CERKL: variants seen among roughly 807,000 people sequenced by gnomAD.
CERKL encodes the protein ceramide kinase-like protein.
CERKL carries 61 observed loss-of-function variants against 63.4 expected under a neutral mutation model. The ratio of observed to expected loss-of-function variants is 0.96; its 90% CI spans 0.78 to 1.19. The LOEUF is 1.19. Ranked by LOEUF, CERKL falls within the 50% of genes most tolerant of loss-of-function variation. The pLI, the probability that CERKL is intolerant of heterozygous loss-of-function variation, is 0.00. For synonymous variants in CERKL, 250 were observed against 230.5 expected (o/e 1.08, Z -0.77); for missense variants, 675 against 655.5 (o/e 1.03, Z -0.33).
intron 3 of CERKL, among the ~76,000 whole-genome samples, chr2:181,570,186 T>C (rs1688844524): frequency 6.6e-6 from 1 of 152,174 alleles, no homozygotes; most frequent in Non-Finnish European, 1.5e-5. Flanking sequence ...ACAGTAACTC[T>C]GAACATTCAT....
chr2:181,630,130 G>A (rs1254098553), intron 1 of CERKL, among the ~76,000 whole-genome samples: 1 of 151,962 alleles, frequency 6.6e-6, no homozygotes, highest in African/African-American at 2.4e-5. Flanking sequence ...CTCCTGGGCT[G>A]TAGCAATCCT....
At chr2:181,628,944 C>T (rs1374768382) in intron 1 of CERKL, among the ~76,000 whole-genome samples, 3 of 152,128 alleles carry the variant, frequency 2.0e-5, no homozygotes, top group Non-Finnish European at 4.4e-5. Context: ...AAGATAAGAA[C>T]ACGCTTCTAT....
rs1314313709 is a variant in CERKL, at chr2:181,550,747, A to T, written c.821-1039T>A. On this transcript the variant is annotated intron_variant, in intron 5 of 12. Transcript: ENST00000410087. This position sits in a 1 kb window ranked among gnomAD's most constrained non-coding sequence, Gnocchi z 4.5. The stretch of plus-strand genomic sequence containing the variant: ...GTTGCTAAATTGGAGAAGCTGAGGC[A>T]GCTTAGCCATTATCAACCAAGAGGT... Among the ~76,000 whole-genome samples, 2 of 152,210 alleles carry T rather than the reference A, an allele frequency of 1.3e-5. No homozygotes were observed. Among genetic ancestry groups the T allele is most frequent in the African/African-American group, 4.8e-5 (2 of 41,468 alleles).
At chr2:181,642,625 G>A (rs1400872409) in intron 1 of CERKL, among the ~76,000 whole-genome samples, 2 of 151,886 alleles carry the variant, frequency 1.3e-5, no homozygotes, top group African/African-American at 2.4e-5. Flanking sequence ...TCTGAGTTGT[G>A]GCAGGAATAC....
chr2:181,637,414 T>C (rs376791857), intron 1 of CERKL, among the ~76,000 whole-genome samples: 4 of 152,138 alleles, frequency 2.6e-5, no homozygotes, highest in Non-Finnish European at 5.9e-5. Context: ...CAATAAACGA[T>C]AGTACATAAT....
intron 2 of CERKL, among the ~76,000 whole-genome samples, chr2:181,587,891 A>T (rs1056160781): frequency 3.3e-5 from 5 of 152,166 alleles, no homozygotes; most frequent in African/African-American, 1.2e-4. Flanking sequence ...TCCAAAAAAA[A>T]TAATTTTTAG....
In CERKL at chr2:181,544,597, A is replaced by G. The variant is rs1400024027; in HGVS notation, c.1365+103T>C. On this transcript the variant is annotated intron_variant, in intron 11 of 12. Transcript: ENST00000410087. ...AGAAGATTAATATATTCAGAAGAAA[A>G]TAAAACCTTCTTATGAGGCAGGATT... 4 of 693,740 alleles carry G rather than the reference A, an allele frequency of 5.8e-6. No individual in the cohort carries two copies. The African/African-American group carries it at 7.3e-5, about 13-fold the overall frequency. The allele number at this position is 693,740 out of a possible 1,614,324, so 43.0% of individuals were successfully genotyped here.
At chr2:181,565,422 A>T (rs756996473) in intron 4 of CERKL, 2 of 1,603,618 alleles carry the variant, frequency 1.2e-6, no homozygotes, top group Non-Finnish European at 1.7e-6. Context: ...AATGAAATTT[A>T]TATCACTTGC....
Position 181,536,765 on chromosome 2 carries a change from T to C in CERKL, c.*1419A>G, listed in dbSNP as rs1416607701. 4.0e-6 allele frequency: 1 copy of C among 249,268 alleles called. No homozygotes were observed. The highest frequency in any genetic ancestry group is 1.0e-4 in the East Asian group (1 of 9,752). The allele number at this position is 249,268 out of a possible 1,614,324, so 15.4% of individuals were successfully genotyped here. ...CTGGATTTTAAAAAATTTCTTTAAA[T>C]ACAATCATTTTTGTAATATTTATTT... On this transcript the variant is annotated 3_prime_UTR_variant, in exon 13 of 13. Transcript: ENST00000410087.
intron 3 of CERKL, among the ~76,000 whole-genome samples, chr2:181,571,397 A>G (rs1559083199): frequency 6.6e-6 from 1 of 152,176 alleles, no homozygotes; most frequent in African/African-American, 2.4e-5. Context: ...ATCCTAGAAC[A>G]TAATAGTTTT....
At chr2:181,600,598 C>A (rs1271890962) in intron 2 of CERKL, among the ~76,000 whole-genome samples, 2 of 152,038 alleles carry the variant, frequency 1.3e-5, no homozygotes, top group African/African-American at 4.8e-5. Flanking sequence ...ATTAAACCAA[C>A]AACATCAAAA....
At chr2:181,591,045 A>G (rs1163375648) in intron 2 of CERKL, among the ~76,000 whole-genome samples, 4 of 152,214 alleles carry the variant, frequency 2.6e-5, no homozygotes, top group Non-Finnish European at 4.4e-5. Context: ...TACAGACAAC[A>G]CAATGAAGTC....
chr2:181,643,943 C>T (rs1687558916), intron 1 of CERKL, among the ~76,000 whole-genome samples: 1 of 152,212 alleles, frequency 6.6e-6, no homozygotes, highest in African/African-American at 2.4e-5. Context: ...TTTAATCGAA[C>T]ATTTCAAATA....
rs1687143645 is a variant in CERKL at position 181,536,887 on chromosome 2, T to TGATCAA, written c.*1291_*1296dup. ...AATTTTGAACATCTGTTATAGGGAGTGATCAAATTAGAAGGCAATGTGGAA... is the reference window on the plus strand; with the variant it reads ...AATTTTGAACATCTGTTATAGGGAGTGATCAAGATCAAATTAGAAGGCAATGTGGAA... On this transcript the variant is annotated 3_prime_UTR_variant, in exon 13 of 13. Transcript: ENST00000410087. 2 of 452,774 alleles carry TGATCAA rather than the reference T, an allele frequency of 4.4e-6. No individual in the cohort carries two copies. The highest frequency in any genetic ancestry group is 8.8e-6 in the Non-Finnish European group (2 of 226,232). The allele number at this position is 452,774 out of a possible 1,614,324, so 28.0% of individuals were successfully genotyped here. A position where few individuals can be genotyped will look rare whatever the true frequency, so the allele number is the denominator to read the frequency against.
intron 1 of CERKL, among the ~76,000 whole-genome samples, chr2:181,642,642 G>GA (rs1044727468): frequency 1.3e-5 from 2 of 151,518 alleles, no homozygotes; most frequent in African/African-American, 2.4e-5. Flanking sequence ...ATACTCTTTT[G>GA]AAAAAAACAT....
At chr2:181,614,070 T>C (rs1686086305) in intron 1 of CERKL, among the ~76,000 whole-genome samples, 1 of 152,192 alleles carries the variant, frequency 6.6e-6, no homozygotes, top group Admixed American at 6.5e-5. Context: ...TGCTATGTCT[T>C]TGTATTGTTA....
intron 1 of CERKL, among the ~76,000 whole-genome samples, chr2:181,636,613 C>T (rs1325224443): frequency 6.6e-6 from 1 of 152,152 alleles, no homozygotes; most frequent in Non-Finnish European, 1.5e-5. Flanking sequence ...ACTGTCATCT[C>T]CCCCATAAAT....
chr2:181,619,288 C>T (rs3910673), intron 1 of CERKL, among the ~76,000 whole-genome samples: 151,085 of 152,142 alleles, frequency 0.99, 75,033 homozygotes, highest in Middle Eastern at 1. Context: ...CAACAGAAAA[C>T]ATGACCTTAA....
At chr2:181,559,983 T>C (rs1233238971) in intron 4 of CERKL, among the ~76,000 whole-genome samples, 1 of 152,178 alleles carries the variant, frequency 6.6e-6, no homozygotes, top group East Asian at 1.9e-4. Context: ...ATTCCAGAGG[T>C]TCGCAATATG....
Sources: allele counts gnomAD v4.1 joint callset (sites outside exome capture counted in the v4.1 genomes callset), GRCh38; gene constraint gnomAD v4.1.1; non-coding constraint Gnocchi (gnomAD v3.1); transcripts MANE v1.5; gene names NCBI Gene and HGNC (gene_info 2026-07-23, HGNC 2026-07-21).